Variants in AFG2A observed in about 807,000 individuals in gnomAD.
The protein encoded by AFG2A is ATPase family gene 2 protein homolog A.
the AFG2A span, among the ~76,000 whole-genome samples, chr4:123,250,474 T>C: frequency 1.3e-5 from 2 of 152,180 alleles, no homozygotes; most frequent in African/African-American, 4.8e-5. Context: ...AATACGATAA[T>C]TTTTAGTCTG....
At chr4:123,198,597 A>G in the AFG2A span, among the ~76,000 whole-genome samples, 5 of 152,116 alleles carry the variant, frequency 3.3e-5, no homozygotes, top group African/African-American at 1.2e-4. Context: ...CAGTCCTAAA[A>G]ATTACCATTA....
the AFG2A span, among the ~76,000 whole-genome samples, chr4:123,172,726 A>G: frequency 0.022 from 3,329 of 152,258 alleles, 67 homozygotes; most frequent in Non-Finnish European, 0.035. Context: ...TACTTTAAAG[A>G]TTTTCCCATT....
At chr4:123,045,403 C>T in the AFG2A span, among the ~76,000 whole-genome samples, 4 of 152,134 alleles carry the variant, frequency 2.6e-5, no homozygotes, top group African/African-American at 9.7e-5. Flanking sequence ...TGTCAGCGGT[C>T]CCAATAATTT....
chr4:123,080,967 G>A, the AFG2A span, among the ~76,000 whole-genome samples: 3 of 148,412 alleles, frequency 2.0e-5, no homozygotes, highest in Non-Finnish European at 4.5e-5. Context: ...GAGTAGTTTT[G>A]GGTTCACACC....
the AFG2A span, among the ~76,000 whole-genome samples, chr4:122,998,460 A>C: frequency 0.84 from 124,784 of 148,988 alleles, 53,016 homozygotes; most frequent in East Asian, 0.96. Flanking sequence ...ATCCCTCCCC[A>C]CTCCCCCCAC....
At chr4:123,206,797 A>G in the AFG2A span, among the ~76,000 whole-genome samples, 1 of 152,110 alleles carries the variant, frequency 6.6e-6, no homozygotes, top group Admixed American at 6.6e-5. Flanking sequence ...GCTTTTTTCT[A>G]TACAATCAGT....
the AFG2A span, among the ~76,000 whole-genome samples, chr4:123,108,636 T>C: frequency 6.6e-6 from 1 of 152,182 alleles, no homozygotes; most frequent in African/African-American, 2.4e-5. Flanking sequence ...ACGAGTGCCT[T>C]TTGGAAATCT....
the AFG2A span, among the ~76,000 whole-genome samples, chr4:123,192,345 AG>A: frequency 6.6e-6 from 1 of 152,124 alleles, no homozygotes; most frequent in Non-Finnish European, 1.5e-5. Flanking sequence ...TTTTATTTTA[AG>A]TACTTTAAAG....
the AFG2A span, among the ~76,000 whole-genome samples, chr4:123,203,014 C>T: frequency 1.1e-5 from 1 of 93,904 alleles, no homozygotes; most frequent in East Asian, 2.8e-4. Flanking sequence ...CAGAGCGAGA[C>T]TCCATCTCTT....
chr4:123,192,795 G>A, the AFG2A span, among the ~76,000 whole-genome samples: 4 of 152,178 alleles, frequency 2.6e-5, no homozygotes, highest in African/African-American at 9.7e-5. Context: ...CCCACAGGCA[G>A]TATATTTTTC....
chr4:123,259,248 T>A, the AFG2A span, among the ~76,000 whole-genome samples: 1 of 152,220 alleles, frequency 6.6e-6, no homozygotes, highest in Non-Finnish European at 1.5e-5. Context: ...TTTTGCCCAA[T>A]CAGCATTGTT....
chr4:123,125,287 TC>T, the AFG2A span, among the ~76,000 whole-genome samples: 1 of 152,184 alleles, frequency 6.6e-6, no homozygotes, highest in Non-Finnish European at 1.5e-5. Context: ...CATTCTTCTT[TC>T]AGGGCTTCCA....
chr4:122,936,621 G>A, the AFG2A span, among the ~76,000 whole-genome samples: 1 of 152,168 alleles, frequency 6.6e-6, no homozygotes, highest in South Asian at 2.1e-4. Context: ...AAGGCAGGAG[G>A]ATTGCTTGAC....
At chr4:122,929,236 T>A in the AFG2A span, 1 of 1,510,938 alleles carries the variant, frequency 6.6e-7, no homozygotes, top group Non-Finnish European at 8.8e-7. Context: ...GGATCAAAGC[T>A]GCCCAGTAGA....
the AFG2A span, among the ~76,000 whole-genome samples, chr4:123,285,047 G>A: frequency 6.6e-6 from 1 of 152,090 alleles, no homozygotes; most frequent in Admixed American, 6.6e-5. Context: ...GTTCTTAAAA[G>A]TCTAGCACAC....
the AFG2A span, among the ~76,000 whole-genome samples, chr4:123,162,903 G>A: frequency 6.6e-6 from 1 of 152,108 alleles, no homozygotes; most frequent in South Asian, 2.1e-4. Flanking sequence ...TAATAATAAT[G>A]TTTATGTAGT....
the AFG2A span, among the ~76,000 whole-genome samples, chr4:122,947,757 G>A: frequency 2.0e-5 from 3 of 152,018 alleles, no homozygotes; most frequent in South Asian, 4.1e-4. Flanking sequence ...CTTGGGCTCA[G>A]CATCTGAGGA....
the AFG2A span, among the ~76,000 whole-genome samples, chr4:123,111,660 T>C: frequency 2.0e-5 from 3 of 152,164 alleles, no homozygotes; most frequent in Non-Finnish European, 4.4e-5. Context: ...ATAGTGAAGA[T>C]GTTTCATTCA....
At chr4:123,154,670 T>C in the AFG2A span, among the ~76,000 whole-genome samples, 3 of 152,212 alleles carry the variant, frequency 2.0e-5, no homozygotes, top group African/African-American at 4.8e-5. Context: ...TTAAATTTCT[T>C]TGGACCTTAA....
Sources: gnomAD v4.1 joint callset for allele counts (sites outside exome capture counted in the v4.1 genomes callset) on GRCh38, gnomAD v4.1.1 for gene constraint, MANE v1.5 for transcripts, NCBI Gene and HGNC (gene_info 2026-07-23, HGNC 2026-07-21) for gene names.